Variants in AKR1B1 observed in about 807,000 individuals in gnomAD.
AKR1B1 encodes aldo-keto reductase family 1 member B1.
A neutral mutation model predicts 40.4 loss-of-function variants in AKR1B1; 22 were observed. The observed-to-expected ratio is 0.54, with a 90% confidence interval of 0.39 to 0.78. The LOEUF (loss-of-function observed/expected upper bound fraction) is 0.78. Among genes scored for constraint, AKR1B1 ranks in the 30% least tolerant of loss-of-function variants. The pLI, the probability that AKR1B1 is intolerant of heterozygous loss-of-function variation, is 0.00. For missense variants in AKR1B1, 357 were observed against 396.7 expected, an observed-to-expected ratio of 0.90 and a Z score of 0.85; for synonymous variants, 157 against 149.9, an observed-to-expected ratio of 1.05 and a Z score of -0.35.
chr7:134,451,543 G>A (rs1288731456), intron 2 of AKR1B1, 43 bp downstream of exon 2: 3 of 1,610,844 alleles, frequency 1.9e-6, no homozygotes, highest in Non-Finnish European at 2.5e-6. Flanking sequence ...ACCAACAGAT[G>A]ATGGGACCGA....
At chr7:134,445,603 G>T (rs1324902006) in intron 8 of AKR1B1, among the ~76,000 whole-genome samples, 1 of 152,228 alleles carries the variant, frequency 6.6e-6, no homozygotes, top group East Asian at 1.9e-4. Flanking sequence ...GTGATAAGTT[G>T]CAGTGAGGAA....
rs1214192234 is a variant in AKR1B1 at position 134,447,963 on chromosome 7, A to G, written c.741+17T>C. The stretch of plus-strand genomic sequence containing the variant: ...CAGGCAGTTGTGGACGGTCAGCAAC[A>G]CCTGAAGTGGCTGTACCTGGGCTGT... On this transcript the variant is annotated intron_variant, in intron 7 of 9. Coordinates refer to ENST00000285930, the MANE Select transcript of AKR1B1 (RefSeq NM_001628.4). 1.9e-6 allele frequency: 3 copies of G among 1,606,946 alleles called. No homozygotes were observed. The highest frequency in any genetic ancestry group is 4.5e-5 in the East Asian group (2 of 44,726).
At chr7:134,449,324 C>T (rs536569659) in intron 4 of AKR1B1, 53 of 681,594 alleles carry the variant, frequency 7.8e-5, no homozygotes, top group Middle Eastern at 8.0e-4. Flanking sequence ...CGGTGGCTCA[C>T]GCCTGTAATC....
chr7:134,443,764 T>A (rs1015954543), intron 9 of AKR1B1, among the ~76,000 whole-genome samples: 1 of 152,024 alleles, frequency 6.6e-6, no homozygotes, highest in Admixed American at 6.6e-5. Flanking sequence ...AGTCTGTAAC[T>A]CTTATTCAAA....
intron 1 of AKR1B1, among the ~76,000 whole-genome samples, chr7:134,457,750 T>C (rs924330540): frequency 1.3e-5 from 2 of 152,178 alleles, no homozygotes; most frequent in Admixed American, 6.5e-5. Context: ...GGTTCACACC[T>C]GTAGCTTTGG....
chr7:134,451,008 G>C (rs926146826), intron 2 of AKR1B1, 106 bp from the exon 3 acceptor site: 9 of 880,714 alleles, frequency 1.0e-5, no homozygotes, highest in African/African-American at 1.6e-5. Context: ...GCTTTACCAT[G>C]ATGCTGTGAA....
chr7:134,457,294 A>T (rs1806500680), intron 1 of AKR1B1, among the ~76,000 whole-genome samples: 1 of 152,236 alleles, frequency 6.6e-6, no homozygotes, highest in Non-Finnish European at 1.5e-5. Flanking sequence ...AAGTACTGTT[A>T]AGTAATTTTT....
chr7:134,447,699 AG>A, intron 7 of AKR1B1: 1 of 612,314 alleles, frequency 1.6e-6, no homozygotes, highest in Non-Finnish European at 2.9e-6. Flanking sequence ...CACGGCTAAG[AG>A]CTCTTACATT....
At chr7:134,451,368 G>T in intron 2 of AKR1B1, 1 of 642,986 alleles carries the variant, frequency 1.6e-6, no homozygotes, top group Non-Finnish European at 2.8e-6. Context: ...ATCAGCACGG[G>T]ACTCTAAGCA....
At chr7:134,456,260 C>T (rs958593695) in intron 1 of AKR1B1, among the ~76,000 whole-genome samples, 3 of 152,014 alleles carry the variant, frequency 2.0e-5, no homozygotes, top group African/African-American at 4.8e-5. Context: ...AGTGCAGTGG[C>T]GGGACCTCGG....
intron 8 of AKR1B1, among the ~76,000 whole-genome samples, chr7:134,446,091 C>T (rs1562905720): frequency 6.6e-6 from 1 of 152,338 alleles, no homozygotes; most frequent in Non-Finnish European, 1.5e-5. Context: ...AAAAGCTATA[C>T]AGTAAGATGC....
intron 3 of AKR1B1, among the ~76,000 whole-genome samples, chr7:134,450,263 A>T (rs770886872): frequency 1.3e-5 from 2 of 152,250 alleles, no homozygotes; most frequent in African/African-American, 2.4e-5. Flanking sequence ...TCACAGCAGA[A>T]AACTGAGGCA....
chr7:134,453,816 C>A (rs1459517210), intron 1 of AKR1B1, among the ~76,000 whole-genome samples: 2 of 152,152 alleles, frequency 1.3e-5, no homozygotes, highest in African/African-American at 4.8e-5. Flanking sequence ...CGAGGATCCA[C>A]AACCACATTC....
intron 9 of AKR1B1, chr7:134,444,711 T>C (rs1000010294): frequency 5.6e-6 from 1 of 179,696 alleles, no homozygotes; most frequent in Non-Finnish European, 1.2e-5. Context: ...CAAACTACCA[T>C]GCAGAGGAAA....
chr7:134,442,822 A>C (rs1334700493), intron 9 of AKR1B1, 52 bp from the exon 10 acceptor site: 1 of 1,528,000 alleles, frequency 6.5e-7, no homozygotes, highest in Non-Finnish European at 9.1e-7. Context: ...GATTTTGACT[A>C]TACCCAACTC....
intron 1 of AKR1B1, among the ~76,000 whole-genome samples, chr7:134,453,501 T>C (rs1806357415): frequency 6.6e-6 from 1 of 152,156 alleles, no homozygotes; most frequent in South Asian, 2.1e-4. Flanking sequence ...CGGCTGTTGT[T>C]TGGGGAAGTC....
intron 9 of AKR1B1, among the ~76,000 whole-genome samples, chr7:134,444,402 A>T (rs1426100644): frequency 6.6e-6 from 1 of 152,252 alleles, no homozygotes; most frequent in Admixed American, 6.5e-5. Context: ...TGAAGCCACC[A>T]GCAGTGCAAA....
chr7:134,448,332 G>T, intron 6 of AKR1B1, 55 bp downstream of exon 6: 1 of 1,458,572 alleles, frequency 6.9e-7, no homozygotes, highest in Non-Finnish European at 9.6e-7. Flanking sequence ...GTTCTTTTTA[G>T]TCTTTTCTAA....
rs755180808 is a variant in AKR1B1, at chr7:134,450,747, G to C, written c.351+39C>G. ...TCAAAACACACCACAGGTTGCACCT[G>C]AGCCCCAAGGGACCTGGTCTGCACC... On this transcript the variant is annotated intron_variant, in intron 3 of 9. Coordinates refer to ENST00000285930, the MANE Select transcript of AKR1B1 (RefSeq NM_001628.4). 9.1e-6 allele frequency: 14 copies of C among 1,537,098 alleles called. No individual in the cohort carries two copies. The East Asian group carries it at 3.1e-4, about 35-fold the overall frequency.
Sources: allele counts gnomAD v4.1 joint callset (sites outside exome capture counted in the v4.1 genomes callset), GRCh38; gene constraint gnomAD v4.1.1; transcripts MANE v1.5; gene names NCBI Gene and HGNC (gene_info 2026-07-23, HGNC 2026-07-21).